ATXN1: variants seen among roughly 807,000 people sequenced by gnomAD.
ATXN1 encodes ataxin 1, also known as ataxin-1.
A neutral mutation model predicts 56.4 loss-of-function variants in ATXN1; 8 were observed. The ratio of observed to expected loss-of-function variants is 0.14; its 90% confidence interval spans 0.08 to 0.26. ATXN1 has a LOEUF of 0.26. Ranked by LOEUF, ATXN1 falls within the 10% of genes least tolerant of loss-of-function variation. The pLI, the probability that ATXN1 is intolerant of heterozygous loss-of-function variation, is 1.00. For synonymous variants in ATXN1, 514 were observed against 494.6 expected (o/e 1.04, Z -0.52); for missense variants, 987 against 1,106.5 (o/e 0.89, Z 1.53).
chr6:16,666,265 C>G (rs772032990), intron 2 of ATXN1, among the ~76,000 whole-genome samples: 2 of 152,180 alleles, frequency 1.3e-5, no homozygotes, highest in African/African-American at 4.8e-5. Flanking sequence ...GCTTATTTTA[C>G]TTAACATAAC....
intron 3 of ATXN1, among the ~76,000 whole-genome samples, chr6:16,655,691 C>CAAATAAAT (rs1033865768): frequency 6.6e-6 from 1 of 150,680 alleles, no homozygotes; most frequent in African/African-American, 2.4e-5. Flanking sequence ...AACCCCGTCT[C>CAAATAAAT]AAATAAATAA....
chr6:16,587,569 C>T (rs1762647349), intron 3 of ATXN1, among the ~76,000 whole-genome samples: 1 of 152,178 alleles, frequency 6.6e-6, no homozygotes, highest in Non-Finnish European at 1.5e-5. Flanking sequence ...TTTTGTTATG[C>T]CTCTGCCTTT....
chr6:16,352,559 GAAGGAAATGATCACAGCAAGGGAATTTA>G (rs1761592705), intron 6 of ATXN1, among the ~76,000 whole-genome samples: 2 of 152,180 alleles, frequency 1.3e-5, no homozygotes, highest in Admixed American at 6.5e-5. Context: ...GGGCTGGATG[GAAGGAAATGATCACAGCAAGGGAATTTA>G]AAGGAAATGA....
intron 2 of ATXN1, among the ~76,000 whole-genome samples, chr6:16,716,836 A>G (rs1393937023): frequency 6.6e-6 from 1 of 152,146 alleles, no homozygotes; most frequent in Non-Finnish European, 1.5e-5. Flanking sequence ...TAGTTTGCCT[A>G]CTCCTGGTCT....
chr6:16,675,672 G>T (rs1758646745), intron 2 of ATXN1, among the ~76,000 whole-genome samples: 1 of 152,002 alleles, frequency 6.6e-6, no homozygotes, highest in Non-Finnish European at 1.5e-5. Context: ...TTTGAGGTCA[G>T]GAGTTCAAGA....
intron 2 of ATXN1, among the ~76,000 whole-genome samples, chr6:16,691,402 C>T (rs960646348): frequency 6.6e-6 from 1 of 152,198 alleles, no homozygotes; most frequent in African/African-American, 2.4e-5. Flanking sequence ...TGCAGTATTA[C>T]AGTTTTCTGT....
At chr6:16,555,034 C>T (rs1761986710) in intron 4 of ATXN1, among the ~76,000 whole-genome samples, 2 of 152,232 alleles carry the variant, frequency 1.3e-5, no homozygotes, top group Non-Finnish European at 2.9e-5. Context: ...CTGAGCCATG[C>T]TCTACTACAG....
intron 3 of ATXN1, among the ~76,000 whole-genome samples, chr6:16,605,720 C>A (rs1304821542): frequency 6.6e-6 from 1 of 152,068 alleles, no homozygotes. Flanking sequence ...TAGAAAAATG[C>A]AGGTTATTCA....
chr6:16,517,601 A>G (rs2113691047), intron 5 of ATXN1, among the ~76,000 whole-genome samples: 1 of 152,350 alleles, frequency 6.6e-6, no homozygotes, highest in Admixed American at 6.5e-5. Context: ...CAGTTCTTCA[A>G]GCATTTGCAA....
intron 6 of ATXN1, among the ~76,000 whole-genome samples, chr6:16,384,558 C>G (rs1422388096): frequency 6.6e-6 from 1 of 152,208 alleles, no homozygotes; most frequent in African/African-American, 2.4e-5. Flanking sequence ...CATTTGTGTC[C>G]CCACCCAAAT....
intron 2 of ATXN1, among the ~76,000 whole-genome samples, chr6:16,702,865 A>G (rs958752854): frequency 6.6e-6 from 1 of 152,202 alleles, no homozygotes; most frequent in Non-Finnish European, 1.5e-5. Flanking sequence ...ACATAGGAAC[A>G]TTTTTACACT....
At chr6:16,692,405 G>A (rs530269337) in intron 2 of ATXN1, among the ~76,000 whole-genome samples, 87 of 152,312 alleles carry the variant, frequency 5.7e-4, no homozygotes, top group Middle Eastern at 6.8e-3. Context: ...TGGGTTCTCA[G>A]ATGACTTGCT....
intron 1 of ATXN1, among the ~76,000 whole-genome samples, chr6:16,758,464 C>T (rs944176723): frequency 2.6e-5 from 4 of 152,184 alleles, no homozygotes; most frequent in African/African-American, 9.7e-5. Flanking sequence ...ACATACTGCA[C>T]CTAGGAAGAA....
intron 4 of ATXN1, among the ~76,000 whole-genome samples, chr6:16,573,439 C>T (rs1762366828): frequency 6.6e-6 from 1 of 152,100 alleles, no homozygotes; most frequent in Non-Finnish European, 1.5e-5. Flanking sequence ...CCTCCCAACA[C>T]CCTCAAACGA....
At chr6:16,596,763 A>AG (rs1184407716) in intron 3 of ATXN1, among the ~76,000 whole-genome samples, 1 of 152,164 alleles carries the variant, frequency 6.6e-6, no homozygotes, top group Non-Finnish European at 1.5e-5. Context: ...CATTTGTCAA[A>AG]GGGGAGCCCT....
intron 2 of ATXN1, among the ~76,000 whole-genome samples, chr6:16,686,707 T>C (rs1758926547): frequency 6.6e-6 from 1 of 152,220 alleles, no homozygotes; most frequent in Non-Finnish European, 1.5e-5. Context: ...CAAGGCAAGA[T>C]CTTTTAAAGT....
intron 6 of ATXN1, among the ~76,000 whole-genome samples, chr6:16,473,209 T>C (rs1261876500): frequency 1.3e-5 from 2 of 152,158 alleles, no homozygotes; most frequent in Non-Finnish European, 1.5e-5. Flanking sequence ...CTATAAAAGA[T>C]ACCACTTCCA....
chr6:16,460,360 A>C lies in ATXN1; in HGVS notation c.-161+25612T>G, dbSNP rs1759966065. Among the ~76,000 whole-genome samples the C allele has an allele frequency of 2.0e-5, 3 of 152,180 alleles. No homozygotes were observed. The South Asian group carries it at 6.2e-4, about 32-fold the overall frequency. On this transcript the variant is annotated intron_variant, in intron 6 of 7. Coordinates refer to ENST00000436367, the MANE Select transcript of ATXN1 (RefSeq NM_001128164.2). ...AGGAACCCCACAACCTAAGTAAGGA[A>C]ATTGATGTAGTAGCAAAAGGCTGGC...
At chr6:16,552,466 C>T (rs916813565) in intron 4 of ATXN1, among the ~76,000 whole-genome samples, 14 of 152,170 alleles carry the variant, frequency 9.2e-5, no homozygotes, top group Admixed American at 7.2e-4. Flanking sequence ...AGAGAGAAGA[C>T]GAAGCAGCAC....
Sources: gnomAD v4.1 joint callset for allele counts (sites outside exome capture counted in the v4.1 genomes callset) on GRCh38, gnomAD v4.1.1 for gene constraint, MANE v1.5 for transcripts, NCBI Gene and HGNC (gene_info 2026-07-23, HGNC 2026-07-21) for gene names.